Variants in TMSB10 observed in about 807,000 individuals in gnomAD.
TMSB10 encodes the protein thymosin beta 10, also known as thymosin beta-10.
Under a neutral mutation model 4.5 loss-of-function variants are expected in TMSB10, and 4 were observed. The observed-to-expected ratio is 0.89, with a 90% CI of 0.44 to 2.03. The LOEUF is 2.03. TMSB10 is among the 30% of genes most tolerant of loss of function. The pLI is 0.03. For synonymous variants in TMSB10, 17 were observed against 20.3 expected (o/e 0.84, Z 0.44); for missense variants, 44 against 53.9 (o/e 0.82, Z 0.57).
Position 84,906,037 on chromosome 2 carries a change from T to G in TMSB10, c.20T>G (p.Met7Arg), listed in dbSNP as rs1804515. The G allele has an allele frequency of 6.2e-7, 1 of 1,613,878 alleles. No homozygotes were observed. Among genetic ancestry groups the G allele is most frequent in the Non-Finnish European group, 8.5e-7 (1 of 1,179,946 alleles). ...AAGAAAATGGCAGACAAACCAGACATGGGGGAAATCGCCAGCTTCGATAAG... is the reference window on the plus strand; with the variant it reads ...AAGAAAATGGCAGACAAACCAGACAGGGGGGAAATCGCCAGCTTCGATAAG... MADKPD[M>R]GEIASFDKAK... Residue 7 changes from methionine to arginine, a missense_variant, in exon 2 of 3, where the codon ATG becomes AGG. By Grantham distance (91) the Met-to-Arg change is moderately conservative. Coordinates refer to ENST00000233143, the MANE Select transcript of TMSB10 (RefSeq NM_021103.4).
intron 2 of TMSB10, 61 bp downstream of exon 2, chr2:84,906,178 AC>A: frequency 1.3e-6 from 2 of 1,525,054 alleles, no homozygotes; most frequent in East Asian, 2.4e-5. Flanking sequence ...TTCCTTGCAA[AC>A]CCACTCCTCC....
Position 84,906,397 on chromosome 2 carries a change from C to G in TMSB10, c.109C>G (p.Gln37Glu). Residue 37 changes from glutamine to glutamate, a missense_variant, in exon 3 of 3, where the codon CAG becomes GAG. By Grantham distance (29) the Gln-to-Glu change is conservative (BLOSUM62 2). Coordinates refer to ENST00000233143, the MANE Select transcript of TMSB10 (RefSeq NM_021103.4). ...NTLPTKETIE[Q>E]EKRSEIS ...CTTCCCGCTCTCCACAGCCATTGAG[C>G]AGGAGAAGCGGAGTGAAATTTCCTA... 6.2e-7 allele frequency: 1 copy of G among 1,605,420 alleles called. No individual in the cohort carries two copies. Among genetic ancestry groups the G allele is most frequent in the Non-Finnish European group, 8.5e-7 (1 of 1,177,130 alleles).
rs548083337 is a variant in TMSB10, at chr2:84,905,865, G to A, written c.-15-138G>A. On this transcript the variant is annotated intron_variant, in intron 1 of 2. Transcript: ENST00000233143. ...GCCCTGGGACCGAGAAGAGGGGTGC[G>A]GGACGCGCCCAGATCCTCGGCCTTG... 191 of 624,918 alleles carry A rather than the reference G, an allele frequency of 3.1e-4. 2 individuals carry two copies. Among genetic ancestry groups the A allele is most frequent in the African/African-American group, 2.8e-3 (145 of 51,962 alleles). 38.7% of individuals were successfully genotyped at this position (624,918 alleles called of 1,614,324 possible). A position where few individuals can be genotyped will look rare whatever the true frequency, so the allele number is the denominator to read the frequency against.
At chr2:84,905,936 C>A (rs987683028) in intron 1 of TMSB10, 67 bp from the exon 2 acceptor site, 1 of 1,383,450 alleles carries the variant, frequency 7.2e-7, no homozygotes, top group African/African-American at 1.4e-5. Context: ...CGAGAGGCGT[C>A]GGCGGGGAGC....
At chr2:84,906,217 G>T (rs766759116) in intron 2 of TMSB10, 100 bp downstream of exon 2, 22 of 1,463,350 alleles carry the variant, frequency 1.5e-5, no homozygotes, top group Non-Finnish European at 2.0e-5. Context: ...TGTCCCCGGT[G>T]TGGGCGGCCC....
At position 84,906,541 on chromosome 2, in the gene TMSB10, G is replaced by C; in HGVS notation, c.*118G>C. Reference sequence around the variant, plus strand: ...TGCACTGTGAACCTGGGCACTCCGCGCCGATGCCACCGGCCTGTGGGTCTC... The same window carrying C: ...TGCACTGTGAACCTGGGCACTCCGCCCCGATGCCACCGGCCTGTGGGTCTC... On this transcript the variant is annotated 3_prime_UTR_variant, in exon 3 of 3. Coordinates refer to ENST00000233143, the MANE Select transcript of TMSB10 (RefSeq NM_021103.4). 1 of 1,218,730 alleles carries C rather than the reference G, an allele frequency of 8.2e-7. No individual in the cohort carries two copies. Among genetic ancestry groups the C allele is most frequent in the Non-Finnish European group, 1.1e-6 (1 of 901,824 alleles). 75.5% of individuals were successfully genotyped at this position (1,218,730 alleles called of 1,614,324 possible).
chr2:84,905,977 G>A, intron 1 of TMSB10, 26 bp from the exon 2 acceptor site: 1 of 1,602,442 alleles, frequency 6.2e-7, no homozygotes, highest in South Asian at 1.1e-5. Context: ...CCAGGCCCAG[G>A]TCAAGCGCCT....
At chr2:84,906,224 GC>G (rs1167617953) in intron 2 of TMSB10, 107 bp downstream of exon 2, 1 of 1,441,172 alleles carries the variant, frequency 6.9e-7, no homozygotes, top group Non-Finnish European at 9.4e-7. Context: ...GGTGTGGGCG[GC>G]CCCGGCCACT....
At chr2:84,906,201 C>T in intron 2 of TMSB10, 84 bp downstream of exon 2, 1 of 1,465,630 alleles carries the variant, frequency 6.8e-7, no homozygotes. Context: ...CCCCCCACCC[C>T]GCCGTTGTCC....
Position 84,905,732 on chromosome 2 carries a change from C to T in TMSB10, c.-16+14C>T. On this transcript the variant is annotated intron_variant, in intron 1 of 2. Transcript: ENST00000233143. ...CGAGACTGCACGGTGAGTGCGGCGC[C>T]GGGGCGGGGGGCCCACCCAGGGTGT... is the stretch of plus-strand genomic sequence containing the variant. 3.3e-6 allele frequency: 1 copy of T among 300,608 alleles called. No homozygotes were observed. Among genetic ancestry groups the T allele is most frequent in the Non-Finnish European group, 6.2e-6 (1 of 160,832 alleles). The allele number at this position is 300,608 out of a possible 1,614,324, so 18.6% of individuals were successfully genotyped here. A position where few individuals can be genotyped will look rare whatever the true frequency, so the allele number is the denominator to read the frequency against.
In TMSB10 at chr2:84,906,479, G is replaced by A. The variant is rs1441803342; in HGVS notation, c.*56G>A. 5.2e-6 allele frequency: 8 copies of A among 1,551,054 alleles called. No homozygotes were observed. The East Asian group carries it at 1.6e-4, about 32-fold the overall frequency. Reference sequence around the variant, plus strand: ...TTCGAGACCCCAGTCGTGATGTGGAGGAAGAGCCACCTGCAAGATGGACAC... The same window carrying A: ...TTCGAGACCCCAGTCGTGATGTGGAAGAAGAGCCACCTGCAAGATGGACAC... On this transcript the variant is annotated 3_prime_UTR_variant, in exon 3 of 3. Coordinates refer to ENST00000233143, the MANE Select transcript of TMSB10 (RefSeq NM_021103.4).
chr2:84,905,666 G>A lies in TMSB10; in HGVS notation c.-68G>A, dbSNP rs914765302. The stretch of plus-strand genomic sequence containing the variant: ...GGGCGCCGCTCTTTTGTTTCTTGCT[G>A]CAGCAACGCGAGTGGGAGCACCAGG... On this transcript the variant is annotated 5_prime_UTR_variant, in exon 1 of 3. Transcript: ENST00000233143. The A allele has an allele frequency of 1.2e-5, 2 of 171,178 alleles. No homozygotes were observed. The highest frequency in any genetic ancestry group is 2.5e-5 in the Non-Finnish European group (2 of 79,914). The allele number at this position is 171,178 out of a possible 1,614,324, so 10.6% of individuals were successfully genotyped here.
chr2:84,906,230 G>T (rs915524228), intron 2 of TMSB10, 113 bp downstream of exon 2: 1 of 1,437,298 alleles, frequency 7.0e-7, no homozygotes, highest in African/African-American at 1.4e-5. Flanking sequence ...GGCGGCCCCG[G>T]CCACTCTTTC....
intron 1 of TMSB10, 106 bp downstream of exon 1, chr2:84,905,824 AG>A: frequency 4.4e-6 from 2 of 454,326 alleles, no homozygotes; most frequent in Non-Finnish European, 3.9e-6. Flanking sequence ...GACCGGACGC[AG>A]GGGCCGGCGA....
chr2:84,906,625 A>G lies in TMSB10; in HGVS notation c.*202A>G. ...TCTCCGGTTTGCCCCGGGATATTAT[A>G]GAAAATTATTTGTATGAATAATGAA... is the stretch of plus-strand genomic sequence containing the variant. On this transcript the variant is annotated 3_prime_UTR_variant, in exon 3 of 3. Coordinates refer to ENST00000233143, the MANE Select transcript of TMSB10 (RefSeq NM_021103.4). 2 of 493,706 alleles carry G rather than the reference A, an allele frequency of 4.1e-6. No homozygotes were observed. Among genetic ancestry groups the G allele is most frequent in the Non-Finnish European group, 7.0e-6 (2 of 286,256 alleles). 30.6% of individuals were successfully genotyped at this position (493,706 alleles called of 1,614,324 possible). A position where few individuals can be genotyped will look rare whatever the true frequency, so the allele number is the denominator to read the frequency against.
Position 84,906,391 on chromosome 2 carries a change from A to C in TMSB10, c.103A>C (p.Ile35Leu), listed in dbSNP as rs1465720171. 6.2e-7 allele frequency: 1 copy of C among 1,604,732 alleles called. No homozygotes were observed. Among genetic ancestry groups the C allele is most frequent in the Non-Finnish European group, 8.5e-7 (1 of 1,176,808 alleles). Reference sequence around the variant, plus strand: ...CGCCCGCTTCCCGCTCTCCACAGCCATTGAGCAGGAGAAGCGGAGTGAAAT... The same window carrying C: ...CGCCCGCTTCCCGCTCTCCACAGCCCTTGAGCAGGAGAAGCGGAGTGAAAT... ...EKNTLPTKET[I>L]EQEKRSEIS The change falls in exon 3 of 3, where the codon ATT (isoleucine) becomes CTT (leucine). Residue 35 changes from isoleucine (I) to leucine (L), a missense_variant and splice_region_variant. Transcript: ENST00000233143.
In TMSB10 at chr2:84,906,003, G is replaced by A; in HGVS notation, c.-15G>A. ...TCAAGCGCCTTGGTTTGCCCACTAG[G>A]ATTGTTTTAAGAAAATGGCAGACAA... On this transcript the variant is annotated splice_region_variant and 5_prime_UTR_variant, in exon 2 of 3. Coordinates refer to ENST00000233143, the MANE Select transcript of TMSB10 (RefSeq NM_021103.4). 1 of 1,613,164 alleles carries A rather than the reference G, an allele frequency of 6.2e-7. No homozygotes were observed. The highest frequency in any genetic ancestry group is 8.5e-7 in the Non-Finnish European group (1 of 1,179,592).
intron 1 of TMSB10, 47 bp downstream of exon 1, chr2:84,905,765 T>C (rs1335211761): frequency 1.1e-5 from 4 of 368,864 alleles, no homozygotes; most frequent in South Asian, 3.2e-5. Context: ...TGTGGTCGGA[T>C]CCGGTGCACC....
chr2:84,905,780 G>GGGCGCGCCGCAACCGCGACA (rs1303912539), intron 1 of TMSB10, 62 bp downstream of exon 1: 2 of 387,030 alleles, frequency 5.2e-6, no homozygotes, highest in Non-Finnish European at 9.3e-6. Context: ...TGCACCGGGC[G>GGGCGCGCCGCAACCGCGACA]GGCGCGCCGC....
Sources: gnomAD v4.1 joint callset for allele counts on GRCh38, gnomAD v4.1.1 for gene constraint, MANE v1.5 for transcripts, NCBI Gene and HGNC (gene_info 2026-07-23, HGNC 2026-07-21) for gene names.